The following AP3S1 variants were observed in gnomAD, a reference collection of about 807,000 sequenced individuals.
AP3S1 encodes AP-3 complex subunit sigma-1.
Under a neutral mutation model 21.3 loss-of-function variants are expected in AP3S1, and 12 were observed. The observed-to-expected ratio is 0.56, with a 90% CI of 0.36 to 0.91. The LOEUF (loss-of-function observed/expected upper bound fraction) is 0.91, where lower values mean the gene tolerates loss of function less well. Ranked by LOEUF, AP3S1 falls within the 40% of genes least tolerant of loss-of-function variation. The pLI, the probability that AP3S1 is intolerant of heterozygous loss-of-function variation, is 0.01. For synonymous variants in AP3S1, 48 were observed against 78.4 expected (o/e 0.61, Z 2.05); for missense variants, 116 against 225.0 (o/e 0.52, Z 3.10).
chr5:115,855,474 G>A (rs962611108), intron 1 of AP3S1, among the ~76,000 whole-genome samples: 5 of 151,828 alleles, frequency 3.3e-5, no homozygotes, highest in African/African-American at 1.2e-4. Flanking sequence ...TGAGTAACTG[G>A]GACTACAGGC....
intron 3 of AP3S1, among the ~76,000 whole-genome samples, chr5:115,893,346 TACA>T (rs1391592927): frequency 6.6e-6 from 1 of 152,168 alleles, no homozygotes; most frequent in Non-Finnish European, 1.5e-5. Flanking sequence ...TAGACCATTG[TACA>T]ACAAGAAAAG....
At chr5:115,876,917 T>G (rs1748772308) in intron 3 of AP3S1, among the ~76,000 whole-genome samples, 1 of 152,214 alleles carries the variant, frequency 6.6e-6, no homozygotes, top group Non-Finnish European at 1.5e-5. Context: ...ATATTTGTGA[T>G]GATCACTTGG....
intron 3 of AP3S1, among the ~76,000 whole-genome samples, chr5:115,882,448 A>C (rs945460353): frequency 6.6e-6 from 1 of 152,046 alleles, no homozygotes; most frequent in Admixed American, 6.6e-5. Context: ...TTTCCTTCTA[A>C]CAGGCCCCTC....
chr5:115,889,663 T>A (rs1750110366), intron 3 of AP3S1, among the ~76,000 whole-genome samples: 1 of 152,142 alleles, frequency 6.6e-6, no homozygotes, highest in African/African-American at 2.4e-5. Flanking sequence ...GACAAAAGAC[T>A]GTAGCTAGAC....
chr5:115,901,902 A>G lies in AP3S1; in HGVS notation c.346-983A>G, dbSNP rs575210655. ...AAGAAATTTAAATTGAGTAATACAT[A>G]TTTAACTCCTAAAAAGAGTTTGTTG... On this transcript the variant is annotated intron_variant, in intron 4 of 5. Coordinates refer to ENST00000316788, the MANE Select transcript of AP3S1 (RefSeq NM_001284.4). Among the ~76,000 whole-genome samples the G allele has an allele frequency of 2.0e-5, 3 of 152,284 alleles. No homozygotes were observed. The South Asian group carries it at 6.2e-4, about 32-fold the overall frequency.
At chr5:115,878,405 A>C (rs988487826) in intron 3 of AP3S1, among the ~76,000 whole-genome samples, 4 of 151,614 alleles carry the variant, frequency 2.6e-5, no homozygotes, top group Non-Finnish European at 4.4e-5. Context: ...GTCCGCTTTC[A>C]GTTTTCTGCA....
chr5:115,879,500 T>C (rs180999443), intron 3 of AP3S1, among the ~76,000 whole-genome samples: 24 of 152,362 alleles, frequency 1.6e-4, no homozygotes, highest in Middle Eastern at 3.4e-3. Flanking sequence ...TGGATTACGT[T>C]TATTGATTTG....
At chr5:115,908,876 A>T (rs1751872168) in intron 5 of AP3S1, 1 of 618,080 alleles carries the variant, frequency 1.6e-6, no homozygotes, top group African/African-American at 2.0e-5. Context: ...TTTTTGCTCA[A>T]AAACATGCTT....
chr5:115,875,921 T>C (rs1424197189), intron 3 of AP3S1, among the ~76,000 whole-genome samples: 1 of 152,324 alleles, frequency 6.6e-6, no homozygotes, highest in Admixed American at 6.5e-5. Flanking sequence ...CAATTGCAAA[T>C]ATAATAATTC....
At chr5:115,863,044 C>G (rs1307957592) in intron 1 of AP3S1, among the ~76,000 whole-genome samples, 3 of 152,188 alleles carry the variant, frequency 2.0e-5, no homozygotes, top group Admixed American at 6.5e-5. Flanking sequence ...AGGTGGATCA[C>G]TTGAGGTCAG....
At chr5:115,884,662 C>A (rs1189079445) in intron 3 of AP3S1, among the ~76,000 whole-genome samples, 1 of 152,218 alleles carries the variant, frequency 6.6e-6, no homozygotes, top group Non-Finnish European at 1.5e-5. Flanking sequence ...AGTATTCTTA[C>A]AATACCACAT....
At chr5:115,886,797 ACT>A (rs1749822062) in intron 3 of AP3S1, among the ~76,000 whole-genome samples, 1 of 151,686 alleles carries the variant, frequency 6.6e-6, no homozygotes, top group East Asian at 1.9e-4. Flanking sequence ...ATTAATGTAA[ACT>A]CTTTCAGAAT....
At position 115,898,594 on chromosome 5, in the gene AP3S1, G is replaced by A. The variant is rs185249498; in HGVS notation, c.345+3436G>A. 4 of 152,324 alleles carry A rather than the reference G, an allele frequency of 2.6e-5. No individual in the cohort carries two copies. The East Asian group carries it at 5.8e-4, about 22-fold the overall frequency. The allele number at this position is 152,324 out of a possible 1,614,324, so 9.4% of individuals were successfully genotyped here. A position where few individuals can be genotyped will look rare whatever the true frequency, so the allele number is the denominator to read the frequency against. On this transcript the variant is annotated intron_variant, in intron 4 of 5. Coordinates refer to ENST00000316788, the MANE Select transcript of AP3S1 (RefSeq NM_001284.4). ...ATGGTGGTTTGGTGGTGGGGATGGG[G>A]TGTGAGGATTTCTGCATGTGGGCCA...
intron 1 of AP3S1, among the ~76,000 whole-genome samples, chr5:115,860,598 T>A (rs867546700): frequency 2.6e-5 from 4 of 152,164 alleles, no homozygotes; most frequent in Middle Eastern, 3.2e-3. Flanking sequence ...ATTCATGAGG[T>A]TTTTGCCTAG....
intron 1 of AP3S1, among the ~76,000 whole-genome samples, chr5:115,845,325 A>G (rs1320082629): frequency 6.6e-6 from 1 of 152,200 alleles, no homozygotes; most frequent in Non-Finnish European, 1.5e-5. Context: ...AGTTTATCCT[A>G]CTGCACTTCA....
At chr5:115,863,118 G>T (rs1763323765) in intron 1 of AP3S1, among the ~76,000 whole-genome samples, 1 of 152,050 alleles carries the variant, frequency 6.6e-6, no homozygotes, top group Non-Finnish European at 1.5e-5. Context: ...CAAAAATTAT[G>T]GCTGGGCGTG....
chr5:115,853,933 G>T (rs193030759), intron 1 of AP3S1, among the ~76,000 whole-genome samples: 3 of 152,104 alleles, frequency 2.0e-5, no homozygotes, highest in Admixed American at 2.0e-4. Flanking sequence ...TTCATTTTTT[G>T]CTTCTATAAC....
At chr5:115,852,478 TGC>T (rs1762507095) in intron 1 of AP3S1, among the ~76,000 whole-genome samples, 1 of 152,182 alleles carries the variant, frequency 6.6e-6, no homozygotes. Context: ...AGCTCTCACA[TGC>T]TATAAGATTC....
At chr5:115,883,973 A>G (rs903670659) in intron 3 of AP3S1, among the ~76,000 whole-genome samples, 12 of 152,336 alleles carry the variant, frequency 7.9e-5, no homozygotes, top group African/African-American at 2.6e-4. Context: ...CATACAAATC[A>G]AATTAAGTCG....
Sources: gnomAD v4.1 joint callset for allele counts (sites outside exome capture counted in the v4.1 genomes callset) on GRCh38, gnomAD v4.1.1 for gene constraint, MANE v1.5 for transcripts, NCBI Gene and HGNC (gene_info 2026-07-23, HGNC 2026-07-21) for gene names.